Variants in NRXN2 observed in about 807,000 individuals in gnomAD.
The protein encoded by NRXN2 is neurexin 2, also known as neurexin-2-beta.
NRXN2 carries 29 observed loss-of-function variants against 128.8 expected under a neutral mutation model. That is an observed-to-expected ratio of 0.23 (90% CI 0.17 to 0.31). NRXN2 has a LOEUF of 0.31. Ranked by LOEUF, NRXN2 falls within the 10% of genes least tolerant of loss-of-function variation. NRXN2 has a pLI of 1.00. For synonymous variants in NRXN2, 1,098 were observed against 1,075.2 expected, an observed-to-expected ratio of 1.02 and a Z score of -0.41; for missense variants, 1,881 against 2,452.6, an observed-to-expected ratio of 0.77 and a Z score of 4.92.
Position 64,631,347 on chromosome 11 carries a change from G to C in NRXN2, c.3586-774C>G, listed in dbSNP as rs543571562. ...GGACAGGCAGAGGACAGACAGGGAC[G>C]GAGGCCTGGAGAAGGGGAGCAAAGA... On this transcript the variant is annotated intron_variant, in intron 18 of 22. Transcript: ENST00000265459. The surrounding 1 kb of genome is among the most constrained non-coding windows in gnomAD (Gnocchi z 4.8). 1.7e-3 allele frequency among the ~76,000 whole-genome samples: 252 copies of C among 152,272 alleles called. No homozygotes were observed. The Middle Eastern group carries it at 0.02, about 12-fold the overall frequency.
intron 11 of NRXN2, 80 bp from the exon 12 acceptor site, chr11:64,653,802 C>T: frequency 9.3e-7 from 1 of 1,069,646 alleles, no homozygotes; most frequent in Non-Finnish European, 1.4e-6. Flanking sequence ...ACATCCTTCA[C>T]AGGGAGGGGT....
intron 6 of NRXN2, among the ~76,000 whole-genome samples, chr11:64,680,926 G>A (rs866879445): frequency 2.0e-5 from 3 of 151,796 alleles, no homozygotes; most frequent in South Asian, 2.1e-4. Context: ...GTGAAACCCC[G>A]TCTCTACTAA....
chr11:64,718,288 C>T (rs2057349751), intron 1 of NRXN2, among the ~76,000 whole-genome samples: 1 of 152,184 alleles, frequency 6.6e-6, no homozygotes, highest in East Asian at 1.9e-4. Context: ...TCAATGCCCA[C>T]ACACACAAAC....
chr11:64,611,876 T>C (rs557852529), intron 22 of NRXN2, among the ~76,000 whole-genome samples: 105 of 152,160 alleles, frequency 6.9e-4, no homozygotes, highest in Non-Finnish European at 9.6e-4. Flanking sequence ...TACGATCTCC[T>C]GAGGTGTCCT....
Position 64,630,316 on chromosome 11 carries a change from A to G in NRXN2, c.3757+86T>C. The G allele has an allele frequency of 2.4e-6, 3 of 1,263,546 alleles. No individual in the cohort carries two copies. The highest frequency in any genetic ancestry group is 3.2e-6 in the Non-Finnish European group (3 of 928,892). 78.3% of individuals were successfully genotyped at this position (1,263,546 alleles called of 1,614,324 possible). On this transcript the variant is annotated intron_variant, in intron 19 of 22. Transcript: ENST00000265459. The surrounding 1 kb of genome is among the most constrained non-coding windows in gnomAD (Gnocchi z 4.6). ...GCTTAGCCCCGCCCCAGAGCCGCTT[A>G]GCCCCGCCCCGGTGCGGCCGCACTC...
At chr11:64,695,924 T>G (rs569678093) in intron 3 of NRXN2, among the ~76,000 whole-genome samples, 11 of 152,060 alleles carry the variant, frequency 7.2e-5, no homozygotes, top group African/African-American at 2.7e-4. Flanking sequence ...GCCCCTTTCC[T>G]CTTCCCTACT....
At position 64,607,671 on chromosome 11, in the gene NRXN2, G is replaced by A. The variant is rs1372018178; in HGVS notation, c.4664C>T (p.Ala1555Val). Reference sequence around the variant, plus strand: ...GCCCGCCGGCAGGTTGGGGGCCGGGGCGGAGGGGGCAAACAGCACCCCAGG... The same window carrying A: ...GCCCGCCGGCAGGTTGGGGGCCGGGACGGAGGGGGCAAACAGCACCCCAGG... ...GAPGVLFAPS[A>V]PAPNLPAGKM... Residue 1555 changes from alanine (A) to valine (V), a missense_variant, in exon 23 of 23, where the codon GCC becomes GTC. By Grantham distance (64) the Ala-to-Val change is moderately conservative. Coordinates refer to ENST00000265459, the MANE Select transcript of NRXN2 (RefSeq NM_015080.4). 3 of 1,531,036 alleles carry A rather than the reference G, an allele frequency of 2.0e-6. No homozygotes were observed. Among genetic ancestry groups the A allele is most frequent in the Admixed American group, 4.0e-5 (2 of 49,650 alleles). The allele number at this position is 1,531,036 out of a possible 1,614,324, so 94.8% of individuals were successfully genotyped here. A position where few individuals can be genotyped will look rare whatever the true frequency, so the allele number is the denominator to read the frequency against.
At position 64,667,213 on chromosome 11, in the gene NRXN2, G is replaced by C. The variant is rs768362493; in HGVS notation, c.1798+37C>G. On this transcript the variant is annotated intron_variant, in intron 9 of 22. Transcript: ENST00000265459. This position sits in a 1 kb window ranked among gnomAD's most constrained non-coding sequence, Gnocchi z 5.6. ...GATGTCAGGGCAGATGGAAAGGGGT[G>C]GCCCATGGAAGGGGAAGGGTCCAGA... is the stretch of plus-strand genomic sequence containing the variant. The C allele has an allele frequency of 3.7e-6, 6 of 1,603,048 alleles. No individual in the cohort carries two copies. Among genetic ancestry groups the C allele is most frequent in the Admixed American group, 1.7e-5 (1 of 60,004 alleles).
intron 2 of NRXN2, among the ~76,000 whole-genome samples, chr11:64,700,071 C>T (rs1285634254): frequency 6.6e-6 from 1 of 152,198 alleles, no homozygotes; most frequent in Non-Finnish European, 1.5e-5. Context: ...CTGCTCTTTG[C>T]TTTCTGCTGA....
Position 64,607,937 on chromosome 11 carries a change from G to A in NRXN2, c.4398C>T (p.Pro1466=), listed in dbSNP as rs1482429190. 1.9e-6 allele frequency: 3 copies of A among 1,546,702 alleles called. No individual in the cohort carries two copies. Among genetic ancestry groups the A allele is most frequent in the South Asian group, 1.2e-5 (1 of 84,086 alleles). The stretch of plus-strand genomic sequence containing the variant: ...CCCCAGAGGGCGGGCGGCGCGCGGC[G>A]GGCGGGGGCAGCGTGTCTTGGGTGG... ...VGATQDTLPP[P]AARRPPSGGP... Residue 1466 remains proline, a synonymous_variant, in exon 23 of 23, where the codon CCC becomes CCT. Coordinates refer to ENST00000265459, the MANE Select transcript of NRXN2 (RefSeq NM_015080.4).
chr11:64,688,866 C>T (rs1049077088), intron 5 of NRXN2: 3 of 953,274 alleles, frequency 3.1e-6, no homozygotes, highest in East Asian at 1.2e-4. Context: ...CCAGCGCCCC[C>T]CTCCGCCCTC....
intron 5 of NRXN2, among the ~76,000 whole-genome samples, chr11:64,688,125 C>T (rs1393318676): frequency 6.6e-6 from 1 of 151,476 alleles, no homozygotes; most frequent in Non-Finnish European, 1.5e-5. Context: ...GAACAAGAGG[C>T]CAGCAAAAAG....
chr11:64,682,549 T>C (rs950331200), intron 6 of NRXN2, among the ~76,000 whole-genome samples: 1 of 152,236 alleles, frequency 6.6e-6, no homozygotes, highest in Non-Finnish European at 1.5e-5. Context: ...GACTCCATTT[T>C]TGGGACCTGG....
chr11:64,608,103 G>T (rs2039994353), intron 22 of NRXN2, 21 bp from the exon 23 acceptor site: 8 of 1,572,682 alleles, frequency 5.1e-6, no homozygotes, highest in Non-Finnish European at 6.9e-6. Context: ...AGAGAGAAGA[G>T]AAAAGAGAGG....
intron 5 of NRXN2, among the ~76,000 whole-genome samples, chr11:64,687,662 G>A (rs1450473920): frequency 6.6e-6 from 1 of 152,188 alleles, no homozygotes; most frequent in Non-Finnish European, 1.5e-5. Flanking sequence ...AGGAGGGAAG[G>A]AGGGAGGTGG....
chr11:64,607,206 T>A lies in NRXN2; in HGVS notation c.5129A>T (p.Tyr1710Phe), dbSNP rs756228153. The A allele has an allele frequency of 4.3e-6, 7 of 1,612,958 alleles. No individual in the cohort carries two copies. The highest frequency in any genetic ancestry group is 4.0e-5 in the African/African-American group (3 of 74,616). ...SKAKKNKDKEYYV is the reference protein window; with the variant it reads ...SKAKKNKDKEFYV The stretch of plus-strand genomic sequence containing the variant: ...CGCAGTGCCGGGGGCTCAGACATAA[T>A]ACTCCTTGTCTTTGTTCTTCTTGGC... Residue 1710 changes from tyrosine to phenylalanine, a missense_variant, in exon 23 of 23, where the codon TAT (tyrosine) becomes TTT (phenylalanine). Physicochemically the swap from Tyr to Phe is conservative, Grantham distance 22. Coordinates refer to ENST00000265459, the MANE Select transcript of NRXN2 (RefSeq NM_015080.4).
chr11:64,708,855 A>G (rs1392502650), intron 2 of NRXN2, among the ~76,000 whole-genome samples: 3 of 152,172 alleles, frequency 2.0e-5, no homozygotes, highest in South Asian at 2.1e-4. Flanking sequence ...CAGATATAAA[A>G]ATAATAACTG....
In NRXN2 at chr11:64,669,718, C is replaced by T. The variant is rs535817; in HGVS notation, c.1198-1114G>A. On this transcript the variant is annotated intron_variant, in intron 7 of 22. Transcript: ENST00000265459. The stretch of plus-strand genomic sequence containing the variant: ...TACAAGCAGCCCACAAGGTTCAAGA[C>T]ACCCAGAAAGGTTGTGGGAGAAGGG... Among the ~76,000 whole-genome samples, 370 of 152,322 alleles carry T rather than the reference C, an allele frequency of 2.4e-3. 1 individual carries two copies. Among genetic ancestry groups the T allele is most frequent in the African/African-American group, 8.3e-3 (344 of 41,562 alleles).
intron 9 of NRXN2, among the ~76,000 whole-genome samples, chr11:64,664,219 G>A (rs899564326): frequency 1.3e-5 from 2 of 152,002 alleles, no homozygotes; most frequent in Admixed American, 1.3e-4. Context: ...GCTCACGCCT[G>A]TAATCCCAGC....
Sources: gnomAD v4.1 joint callset for allele counts (sites outside exome capture counted in the v4.1 genomes callset) on GRCh38, gnomAD v4.1.1 for gene constraint, Gnocchi (gnomAD v3.1) non-coding constraint, MANE v1.5 for transcripts, NCBI Gene and HGNC (gene_info 2026-07-23, HGNC 2026-07-21) for gene names.